GNB4: variants seen among roughly 807,000 people sequenced by gnomAD.
The protein encoded by GNB4 is guanine nucleotide-binding protein subunit beta-4.
In GNB4, 28 loss-of-function variants were observed where a neutral mutation model predicts 45.2. The observed-to-expected ratio is 0.62, with a 90% confidence interval of 0.46 to 0.85. The LOEUF is 0.85. GNB4 is among the 40% of genes least tolerant of loss of function. GNB4 has a pLI of 0.00. For missense variants in GNB4, 321 were observed against 425.4 expected (o/e 0.75, Z 2.16); for synonymous variants, 132 against 143.7 (o/e 0.92, Z 0.58).
chr3:179,439,518 C>T (rs1715544374), intron 1 of GNB4, among the ~76,000 whole-genome samples: 1 of 152,052 alleles, frequency 6.6e-6, no homozygotes, highest in South Asian at 2.1e-4. Flanking sequence ...CTTGTGGGCC[C>T]CGAGATCTCT....
chr3:179,486,372 C>A, the GNB4 span, among the ~76,000 whole-genome samples: 3 of 152,002 alleles, frequency 2.0e-5, no homozygotes, highest in Non-Finnish European at 4.4e-5. Context: ...GTGGACATTT[C>A]TTTGCTGATT....
At chr3:179,496,623 G>T in the GNB4 span, among the ~76,000 whole-genome samples, 1 of 152,052 alleles carries the variant, frequency 6.6e-6, no homozygotes, top group Non-Finnish European at 1.5e-5. Flanking sequence ...AGGACACATA[G>T]GCTGAAAATA....
the GNB4 span, among the ~76,000 whole-genome samples, chr3:179,494,907 C>CAAAAAA: frequency 2.9e-5 from 1 of 33,982 alleles, no homozygotes; most frequent in Admixed American, 3.2e-4. Context: ...GACTCTGTCT[C>CAAAAAA]AAAAAAAAAA....
the GNB4 span, among the ~76,000 whole-genome samples, chr3:179,478,300 T>A: frequency 5.9e-5 from 9 of 151,968 alleles, no homozygotes; most frequent in Non-Finnish European, 1.2e-4. Flanking sequence ...TCAAAATGAG[T>A]TTTGGAGGAG....
chr3:179,498,865 C>T, the GNB4 span, among the ~76,000 whole-genome samples: 1 of 151,440 alleles, frequency 6.6e-6, no homozygotes, highest in Non-Finnish European at 1.5e-5. Context: ...TTGCTGCACC[C>T]ATCAACCCGT....
chr3:179,509,453 C>A, the GNB4 span, among the ~76,000 whole-genome samples: 1 of 152,244 alleles, frequency 6.6e-6, no homozygotes, highest in African/African-American at 2.4e-5. Context: ...GAAGTAGCTT[C>A]TGAGCGCCAA....
the GNB4 span, among the ~76,000 whole-genome samples, chr3:179,501,713 C>T: frequency 6.6e-6 from 1 of 152,146 alleles, no homozygotes. Context: ...TAAACTCTTC[C>T]TCTGTCTTCC....
intron 1 of GNB4, among the ~76,000 whole-genome samples, chr3:179,438,637 T>C (rs1005129996): frequency 6.6e-6 from 1 of 152,208 alleles, no homozygotes; most frequent in African/African-American, 2.4e-5. Flanking sequence ...TATGCTGCAA[T>C]TTAACTACTT....
chr3:179,497,261 A>G, the GNB4 span, among the ~76,000 whole-genome samples: 1 of 152,140 alleles, frequency 6.6e-6, no homozygotes, highest in Non-Finnish European at 1.5e-5. Flanking sequence ...GAGAAAGGAT[A>G]GAATCTTTAG....
At chr3:179,441,823 G>A (rs1559981739) in intron 1 of GNB4, among the ~76,000 whole-genome samples, 1 of 150,984 alleles carries the variant, frequency 6.6e-6, no homozygotes, top group Non-Finnish European at 1.5e-5. Context: ...TCATTTTTTT[G>A]AGACGGAGTT....
At position 179,397,409 on chromosome 3, in the gene GNB4, T is replaced by C. The variant is rs912178656; in HGVS notation, c.*3804A>G. ...CACCTTAAGTCAAGATCCATTTATCTATTAATAGGTTAAGTCTGAAATTCT... is the reference window on the plus strand; with the variant it reads ...CACCTTAAGTCAAGATCCATTTATCCATTAATAGGTTAAGTCTGAAATTCT... On this transcript the variant is annotated 3_prime_UTR_variant, in exon 10 of 10. Coordinates refer to ENST00000232564, the MANE Select transcript of GNB4 (RefSeq NM_021629.4). 6.6e-6 allele frequency: 1 copy of C among 152,254 alleles called. No individual in the cohort carries two copies. Among genetic ancestry groups the C allele is most frequent in the African/African-American group, 2.4e-5 (1 of 41,466 alleles). The allele number at this position is 152,254 out of a possible 1,614,324, so 9.4% of individuals were successfully genotyped here. A position where few individuals can be genotyped will look rare whatever the true frequency, so the allele number is the denominator to read the frequency against.
chr3:179,485,482 T>C, the GNB4 span, among the ~76,000 whole-genome samples: 1 of 152,216 alleles, frequency 6.6e-6, no homozygotes, highest in Non-Finnish European at 1.5e-5. Flanking sequence ...TTGGGTAATA[T>C]ATCTGGCAAT....
upstream of GNB4, among the ~76,000 whole-genome samples, chr3:179,453,362 T>G (rs1715931679): frequency 6.6e-6 from 1 of 152,202 alleles, no homozygotes. Flanking sequence ...CCTCAGGTGA[T>G]CCGCCCACCT....
At position 179,417,283 on chromosome 3, in the gene GNB4, GT is replaced by G. The variant is rs1396917466; in HGVS notation, c.204-728del. Among the ~76,000 whole-genome samples the G allele has an allele frequency of 3.3e-5, 5 of 152,210 alleles. No individual in the cohort carries two copies. In the East Asian group the frequency reaches 7.7e-4, roughly 23 times the overall value. On this transcript the variant is annotated intron_variant, in intron 4 of 9. Transcript: ENST00000232564. The stretch of plus-strand genomic sequence containing the variant: ...GAATTGTGGGTCTTCCAGTAGTACA[GT>G]TTGTGAGAAAATGGAAAAATAAGTT...
At chr3:179,417,402 T>G (rs1274970066) in intron 4 of GNB4, among the ~76,000 whole-genome samples, 1 of 147,522 alleles carries the variant, frequency 6.8e-6, no homozygotes, top group East Asian at 1.9e-4. Flanking sequence ...TTTTTTGTTT[T>G]GTTTGGATTT....
intron 1 of GNB4, among the ~76,000 whole-genome samples, chr3:179,442,566 A>AT (rs887437442): frequency 7.3e-5 from 11 of 151,266 alleles, no homozygotes; most frequent in African/African-American, 1.7e-4. Flanking sequence ...TATCTCTTGG[A>AT]TTTTTTTTTA....
chr3:179,466,176 G>A, the GNB4 span, among the ~76,000 whole-genome samples: 1 of 151,892 alleles, frequency 6.6e-6, no homozygotes, highest in Non-Finnish European at 1.5e-5. Context: ...ATGCCTGGCT[G>A]ATTTTTGTGT....
chr3:179,403,175 C>T (rs545049067), intron 9 of GNB4, among the ~76,000 whole-genome samples: 181 of 152,076 alleles, frequency 1.2e-3, no homozygotes, highest in Admixed American at 3.9e-3. Flanking sequence ...AAATGGAGGC[C>T]GAGTCAGCAC....
the GNB4 span, among the ~76,000 whole-genome samples, chr3:179,480,975 C>T: frequency 6.6e-6 from 1 of 151,536 alleles, no homozygotes; most frequent in African/African-American, 2.4e-5. Flanking sequence ...CTCAGCCTCC[C>T]CAGTAGCTGG....
Sources: allele counts gnomAD v4.1 joint callset (sites outside exome capture counted in the v4.1 genomes callset), GRCh38; gene constraint gnomAD v4.1.1; transcripts MANE v1.5; gene names NCBI Gene and HGNC (gene_info 2026-07-23, HGNC 2026-07-21).